The following ETS1 variants were observed in gnomAD, a reference collection of about 807,000 sequenced individuals.
The protein encoded by ETS1 is ETS proto-oncogene 1, transcription factor, also known as protein C-ets-1.
Under a neutral mutation model 58.6 loss-of-function variants are expected in ETS1, and 15 were observed. The observed-to-expected ratio is 0.26, with a 90% CI of 0.17 to 0.39. ETS1 has a LOEUF of 0.39. Ranked by LOEUF, ETS1 falls within the 10% of genes least tolerant of loss-of-function variation. The probability of loss-of-function intolerance (pLI) is 1.00; values close to 1 mark genes in which losing one functional copy is unlikely to be tolerated. For missense variants in ETS1, 417 were observed against 610.5 expected, an observed-to-expected ratio of 0.68 and a Z score of 3.34; for synonymous variants, 214 against 218.2, an observed-to-expected ratio of 0.98 and a Z score of 0.17.
chr11:128,503,059 C>G (rs1045247423), intron 3 of ETS1, among the ~76,000 whole-genome samples: 2 of 152,228 alleles, frequency 1.3e-5, no homozygotes, highest in African/African-American at 2.4e-5. Flanking sequence ...AAGAGATCCC[C>G]TGAGCAGTAA....
chr11:128,547,810 G>A (rs897305164), intron 3 of ETS1, among the ~76,000 whole-genome samples: 2 of 152,102 alleles, frequency 1.3e-5, no homozygotes, highest in African/African-American at 4.8e-5. Flanking sequence ...TAGGGATGAT[G>A]GGGAGGGTGT....
intron 3 of ETS1, among the ~76,000 whole-genome samples, chr11:128,548,152 G>GAAGGGAAGGGAAGGA (rs1565405277): frequency 5.2e-5 from 5 of 95,738 alleles, no homozygotes; most frequent in African/African-American, 2.7e-4. Flanking sequence ...GAAGGGAAGG[G>GAAGGGAAGGGAAGGA]AAGGAAAGGA....
chr11:128,491,169 T>C (rs1591612606), intron 3 of ETS1, among the ~76,000 whole-genome samples: 2 of 152,296 alleles, frequency 1.3e-5, no homozygotes, highest in Admixed American at 1.3e-4. Context: ...AGAATATTAA[T>C]GTTACTACAT....
intron 8 of ETS1, among the ~76,000 whole-genome samples, chr11:128,471,613 G>GTCT (rs1204135899): frequency 1.3e-5 from 2 of 152,324 alleles, no homozygotes; most frequent in East Asian, 3.9e-4. Flanking sequence ...TCCTCCTGAT[G>GTCT]TCTTCTAGGT....
At chr11:128,498,585 C>T (rs192871484) in intron 3 of ETS1, among the ~76,000 whole-genome samples, 114 of 152,254 alleles carry the variant, frequency 7.5e-4, no homozygotes, top group Admixed American at 2.4e-3. Context: ...CCTAAGAGTT[C>T]CACTTTAGAA....
chr11:128,472,020 T>A (rs1862200585), intron 8 of ETS1, among the ~76,000 whole-genome samples: 1 of 152,240 alleles, frequency 6.6e-6, no homozygotes, highest in South Asian at 2.1e-4. Flanking sequence ...TTATCCAGCA[T>A]ATAATCTCTG....
chr11:128,586,539 T>C (rs1367671620), intron 1 of ETS1, among the ~76,000 whole-genome samples: 2 of 152,232 alleles, frequency 1.3e-5, no homozygotes, highest in African/African-American at 2.4e-5. Flanking sequence ...CATTTTAGAA[T>C]TGGTATTTCC....
intron 3 of ETS1, among the ~76,000 whole-genome samples, chr11:128,550,764 T>A (rs1864216519): frequency 6.6e-6 from 1 of 152,178 alleles, no homozygotes; most frequent in Non-Finnish European, 1.5e-5. Flanking sequence ...TGTTTCCCCA[T>A]CTCCCTTAAT....
At chr11:128,493,379 T>G (rs2135466518) in intron 3 of ETS1, among the ~76,000 whole-genome samples, 1 of 152,346 alleles carries the variant, frequency 6.6e-6, no homozygotes, top group East Asian at 1.9e-4. Context: ...CAGGCACTTC[T>G]GGGTTCTCAC....
At position 128,462,511 on chromosome 11, in the gene ETS1, G is replaced by A; in HGVS notation, c.1308C>T (p.Gly436=). 1.2e-6 allele frequency: 2 copies of A among 1,614,116 alleles called. No individual in the cohort carries two copies. Among genetic ancestry groups the A allele is most frequent in the Non-Finnish European group, 1.7e-6 (2 of 1,179,984 alleles). Residue 436 remains glycine (G), a synonymous_variant, in exon 10 of 10, where the codon GGC becomes GGT. Coordinates refer to ENST00000392668, the MANE Select transcript of ETS1 (RefSeq NM_001143820.2). ...TGTTTTTGTCGTAATAGTAGCGTAG[G>A]CCACGGCTCAGTTTCTCATAATTCA... is the stretch of plus-strand genomic sequence containing the variant. ...PKMNYEKLSR[G]LRYYYDKNII...
At chr11:128,506,932 T>C (rs1863253122) in intron 3 of ETS1, among the ~76,000 whole-genome samples, 1 of 152,176 alleles carries the variant, frequency 6.6e-6, no homozygotes, top group South Asian at 2.1e-4. Context: ...AAGTGATATG[T>C]GCATCTTTAT....
Position 128,484,993 on chromosome 11 carries a change from G to A in ETS1, c.692C>T (p.Thr231Met), listed in dbSNP as rs775466195. 9.9e-6 allele frequency: 16 copies of A among 1,613,856 alleles called. No individual in the cohort carries two copies. Among genetic ancestry groups the A allele is most frequent in the Admixed American group, 3.3e-5 (2 of 59,996 alleles). The change falls in exon 7 of 10, where the codon ACG (threonine) becomes ATG (methionine). Residue 231 changes from threonine to methionine, a missense_variant. Coordinates refer to ENST00000392668, the MANE Select transcript of ETS1 (RefSeq NM_001143820.2). ...CTCTTCCGAGCTGATGGGATGGAGCGTCTGATAGGACTCTGTGATGAAGCT... is the reference window on the plus strand; with the variant it reads ...CTCTTCCGAGCTGATGGGATGGAGCATCTGATAGGACTCTGTGATGAAGCT... ...EPSFITESYQ[T>M]LHPISSEELL...
At chr11:128,566,996 A>G (rs377276245) in intron 2 of ETS1, among the ~76,000 whole-genome samples, 16 of 152,228 alleles carry the variant, frequency 1.1e-4, no homozygotes, top group South Asian at 4.1e-4. Flanking sequence ...AGGTGGAAAT[A>G]GAGTCCTGTG....
chr11:128,490,431 C>T, intron 4 of ETS1, 26 bp downstream of exon 4: 5 of 1,613,502 alleles, frequency 3.1e-6, no homozygotes, highest in Non-Finnish European at 4.2e-6. Flanking sequence ...ACCCCAACCA[C>T]TCTTTTTCCA....
intron 3 of ETS1, chr11:128,521,846 A>C: frequency 7.7e-7 from 1 of 1,298,916 alleles, no homozygotes. Context: ...GAAAGGGGGA[A>C]GAAGTCCAGG....
intron 3 of ETS1, among the ~76,000 whole-genome samples, chr11:128,516,803 G>A (rs1226695490): frequency 6.6e-6 from 1 of 152,178 alleles, no homozygotes; most frequent in Admixed American, 6.6e-5. Context: ...TGGCCTCTCT[G>A]CAAGCAGGAT....
intron 1 of ETS1, among the ~76,000 whole-genome samples, chr11:128,583,335 C>T (rs1353407367): frequency 6.6e-6 from 1 of 152,190 alleles, no homozygotes; most frequent in Non-Finnish European, 1.5e-5. Context: ...CAGGACCTGT[C>T]AGTGTCTCAG....
In ETS1 at chr11:128,462,097, C is replaced by A. The variant is rs1026665049; in HGVS notation, c.*264G>T. ...AGTCTCTTTCTCTGTTAAGCCAGAG[C>A]CTTCAAGCTTCTGAGAAGGCCCTTC... On this transcript the variant is annotated 3_prime_UTR_variant, in exon 10 of 10. Coordinates refer to ENST00000392668, the MANE Select transcript of ETS1 (RefSeq NM_001143820.2). 1.7e-5 allele frequency: 8 copies of A among 466,832 alleles called. No individual in the cohort carries two copies. Among genetic ancestry groups the A allele is most frequent in the African/African-American group, 7.7e-5 (4 of 51,942 alleles). 28.9% of individuals were successfully genotyped at this position (466,832 alleles called of 1,614,324 possible). A position where few individuals can be genotyped will look rare whatever the true frequency, so the allele number is the denominator to read the frequency against.
At chr11:128,557,026 A>G (rs1238105721) in intron 2 of ETS1, among the ~76,000 whole-genome samples, 2 of 152,218 alleles carry the variant, frequency 1.3e-5, no homozygotes, top group African/African-American at 4.8e-5. Context: ...CATAAAATAT[A>G]CAATCCCAAT....
Sources: allele counts gnomAD v4.1 joint callset (sites outside exome capture counted in the v4.1 genomes callset), GRCh38; gene constraint gnomAD v4.1.1; transcripts MANE v1.5; gene names NCBI Gene and HGNC (gene_info 2026-07-23, HGNC 2026-07-21).